Variants in RFX3 observed in about 807,000 individuals in gnomAD.
The protein encoded by RFX3 is regulatory factor X3.
A neutral mutation model predicts 98.6 loss-of-function variants in RFX3; 14 were observed. The observed-to-expected ratio is 0.14, with a 90% CI of 0.09 to 0.22. The LOEUF is 0.22. Among genes scored for constraint, RFX3 ranks in the 10% least tolerant of loss-of-function variants. RFX3 has a pLI of 1.00. For missense variants in RFX3, 639 were observed against 926.9 expected, an observed-to-expected ratio of 0.69 and a Z score of 4.03; for synonymous variants, 383 against 328.4, an observed-to-expected ratio of 1.17 and a Z score of -1.80.
chr9:3,294,682 T>C (rs887553978), intron 5 of RFX3, among the ~76,000 whole-genome samples: 1 of 152,156 alleles, frequency 6.6e-6, no homozygotes, highest in Non-Finnish European at 1.5e-5. Context: ...CAAAAACCAT[T>C]TTAATGTCAA....
intron 14 of RFX3, among the ~76,000 whole-genome samples, chr9:3,248,603 G>C (rs1297487327): frequency 6.6e-6 from 1 of 152,130 alleles, no homozygotes; most frequent in Non-Finnish European, 1.5e-5. Flanking sequence ...AACGATCTCT[G>C]GGGTAGGCCT....
intron 1 of RFX3, among the ~76,000 whole-genome samples, chr9:3,438,881 T>C (rs985929694): frequency 2.0e-5 from 3 of 151,930 alleles, no homozygotes; most frequent in African/African-American, 7.2e-5. Flanking sequence ...GCTCAAAATA[T>C]ATGAATCAAA....
Position 3,452,321 on chromosome 9 carries a change from T to C in RFX3, c.-8-56725A>G, listed in dbSNP as rs562926086. ...AAAAACAACTAATGGCCAGGCACAT[T>C]GGCTCATGCCTGTAATCTCAGTGCT... On this transcript the variant is annotated intron_variant, in intron 1 of 16. Coordinates refer to ENST00000617270, the MANE Select transcript of RFX3 (RefSeq NM_001282116.2). 3.8e-4 allele frequency: 100 copies of C among 265,566 alleles called. 1 individual carries two copies. The highest frequency in any genetic ancestry group is 3.1e-3 in the South Asian group (97 of 31,664). 16.5% of individuals were successfully genotyped at this position (265,566 alleles called of 1,614,324 possible). A position where few individuals can be genotyped will look rare whatever the true frequency, so the allele number is the denominator to read the frequency against.
intron 1 of RFX3, among the ~76,000 whole-genome samples, chr9:3,408,787 GAA>G (rs1187464678): frequency 1.3e-5 from 2 of 152,076 alleles, no homozygotes; most frequent in African/African-American, 4.8e-5. Flanking sequence ...TGTGACCGAG[GAA>G]AAAGTGTTCT....
chr9:3,319,419 T>C (rs1423255123), intron 4 of RFX3, among the ~76,000 whole-genome samples: 2 of 152,050 alleles, frequency 1.3e-5, no homozygotes, highest in Admixed American at 6.6e-5. Context: ...AATAGGTAGG[T>C]AACGGACATT....
chr9:3,278,124 C>G (rs1825469836), intron 7 of RFX3, among the ~76,000 whole-genome samples: 1 of 151,726 alleles, frequency 6.6e-6, no homozygotes, highest in Non-Finnish European at 1.5e-5. Context: ...AGGTCCTAGT[C>G]ATACAAACTT....
chr9:3,270,864 T>C (rs1281076896), intron 10 of RFX3, 139 bp downstream of exon 10: 6 of 1,247,446 alleles, frequency 4.8e-6, no homozygotes, highest in African/African-American at 3.0e-5. Context: ...TCATGGTTTA[T>C]TTCTAGGATG....
At chr9:3,340,189 C>T (rs186259119) in intron 3 of RFX3, among the ~76,000 whole-genome samples, 2,238 of 152,104 alleles carry the variant, frequency 0.015, 53 homozygotes, top group African/African-American at 0.049. Context: ...CTGGGAAAAC[C>T]GGCTAGCCAT....
rs188305778 is a variant in RFX3, at chr9:3,417,127, G to A, written c.-8-21531C>T. ...GGAGTCATTTCATAATGATAAAGGA[G>A]CCTGCCTATTCATCAAGAGAATATA... On this transcript the variant is annotated intron_variant, in intron 1 of 16. Coordinates refer to ENST00000617270, the MANE Select transcript of RFX3 (RefSeq NM_001282116.2). Among the ~76,000 whole-genome samples, 376 of 152,020 alleles carry A rather than the reference G, an allele frequency of 2.5e-3. 3 individuals are homozygous for A. Among genetic ancestry groups the A allele is most frequent in the African/African-American group, 8.7e-3 (361 of 41,516 alleles).
At position 3,257,990 on chromosome 9, in the gene RFX3, T is replaced by C. The variant is rs140798336; in HGVS notation, c.1606-791A>G. 5.9e-5 allele frequency among the ~76,000 whole-genome samples: 9 copies of C among 152,308 alleles called. No homozygotes were observed. The East Asian group carries it at 1.7e-3, about 29-fold the overall frequency. Reference sequence around the variant, plus strand: ...AGTGATTGCCATAAGTACTGTGATGTTTCCAGTGCTATGTTGTATTTTAAG... The same window carrying C: ...AGTGATTGCCATAAGTACTGTGATGCTTCCAGTGCTATGTTGTATTTTAAG... On this transcript the variant is annotated intron_variant, in intron 13 of 16. Coordinates refer to ENST00000617270, the MANE Select transcript of RFX3 (RefSeq NM_001282116.2).
chr9:3,312,869 G>A (rs1023076660), intron 4 of RFX3, among the ~76,000 whole-genome samples: 2 of 152,248 alleles, frequency 1.3e-5, no homozygotes, highest in African/African-American at 4.8e-5. Flanking sequence ...CGGCCTGGAA[G>A]CTCCAACTTG....
chr9:3,277,031 C>T (rs913568351), intron 8 of RFX3, among the ~76,000 whole-genome samples: 1 of 151,908 alleles, frequency 6.6e-6, no homozygotes, highest in Non-Finnish European at 1.5e-5. Context: ...GAAGTTACTA[C>T]TGAAAGTAAA....
chr9:3,287,812 A>G (rs1416236352), intron 7 of RFX3, among the ~76,000 whole-genome samples: 1 of 152,000 alleles, frequency 6.6e-6, no homozygotes, highest in Non-Finnish European at 1.5e-5. Context: ...TCAGAAGCTC[A>G]TGAATACTGA....
intron 2 of RFX3, among the ~76,000 whole-genome samples, chr9:3,366,396 C>T (rs192343765): frequency 5.1e-4 from 78 of 152,258 alleles, no homozygotes; most frequent in African/African-American, 1.6e-3. Flanking sequence ...CATACATACA[C>T]GCACCAACTA....
chr9:3,280,142 A>G (rs1225317520), intron 7 of RFX3, among the ~76,000 whole-genome samples: 2 of 151,838 alleles, frequency 1.3e-5, no homozygotes, highest in African/African-American at 4.8e-5. Context: ...AAGACACACT[A>G]TGTGCATTCA....
intron 1 of RFX3, among the ~76,000 whole-genome samples, chr9:3,506,282 C>T (rs969242329): frequency 8.6e-5 from 13 of 151,338 alleles, no homozygotes; most frequent in East Asian, 1.9e-4. Flanking sequence ...ATCATACCTT[C>T]GCATAGTGCA....
intron 2 of RFX3, among the ~76,000 whole-genome samples, chr9:3,387,484 T>A (rs1230665664): frequency 6.6e-6 from 1 of 152,180 alleles, no homozygotes; most frequent in Non-Finnish European, 1.5e-5. Flanking sequence ...CAAAAGGGCC[T>A]TAATATTGGA....
chr9:3,338,052 G>C (rs1437658973), intron 3 of RFX3, among the ~76,000 whole-genome samples: 3 of 152,184 alleles, frequency 2.0e-5, no homozygotes, highest in African/African-American at 7.2e-5. Context: ...ACTGAAGGCA[G>C]AGGATACACC....
At chr9:3,454,293 A>C (rs2132928406) in intron 1 of RFX3, among the ~76,000 whole-genome samples, 1 of 152,294 alleles carries the variant, frequency 6.6e-6, no homozygotes, top group South Asian at 2.1e-4. Context: ...CACAGGCAAC[A>C]CTCGAGAGAA....
Sources: gnomAD v4.1 joint callset for allele counts (sites outside exome capture counted in the v4.1 genomes callset) on GRCh38, gnomAD v4.1.1 for gene constraint, MANE v1.5 for transcripts, NCBI Gene and HGNC (gene_info 2026-07-23, HGNC 2026-07-21) for gene names.